The following DMD variants were observed in gnomAD, a reference collection of about 807,000 sequenced individuals.
DMD encodes the protein mutant dystrophin.
Under a neutral mutation model 330.1 loss-of-function variants are expected in DMD, and 63 were observed. The observed-to-expected ratio is 0.19, with a 90% CI of 0.16 to 0.24. The LOEUF is 0.24. DMD is among the 10% of genes least tolerant of loss of function. DMD has a pLI of 1.00. For missense variants in DMD, 3,344 were observed against 2,684.1 expected (o/e 1.25, Z -5.43); for synonymous variants, 1,223 against 959.8 (o/e 1.27, Z -5.07).
chrX:31,362,216 A>AC (rs763037829), intron 60 of DMD, among the ~76,000 whole-genome samples: 1 of 112,144 alleles, frequency 8.9e-6, no homozygotes, highest in Admixed American at 9.4e-5. Context: ...TATTGTTCCT[A>AC]CTTGAAAATG....
chrX:32,874,285 C>A (rs188830883), intron 2 of DMD, among the ~76,000 whole-genome samples: 139 of 112,034 alleles, frequency 1.2e-3, no homozygotes, highest in African/African-American at 4.1e-3. Flanking sequence ...AAGTAAGATT[C>A]CCCAAGGAAG....
intron 73 of DMD, among the ~76,000 whole-genome samples, chrX:31,170,439 C>T (rs1018304293): frequency 2.7e-5 from 3 of 110,779 alleles, no homozygotes; most frequent in Non-Finnish European, 3.8e-5. Context: ...GAATGCATTG[C>T]TCCAAGCTCC....
At chrX:31,759,538 C>T (rs758561890) in intron 51 of DMD, among the ~76,000 whole-genome samples, 1 of 111,399 alleles carries the variant, frequency 9.0e-6, no homozygotes, top group Admixed American at 9.6e-5. Context: ...ACACTATCAA[C>T]GAATAGGACA....
At chrX:31,230,576 G>T (rs2047095783) in intron 63 of DMD, among the ~76,000 whole-genome samples, 1 of 110,058 alleles carries the variant, frequency 9.1e-6, no homozygotes, top group Admixed American at 9.7e-5. Context: ...TTGAACCCAG[G>T]AGGTGGAGGT....
At chrX:31,577,963 GA>G (rs1378416680) in intron 55 of DMD, among the ~76,000 whole-genome samples, 4 of 110,236 alleles carry the variant, frequency 3.6e-5, no homozygotes, top group Admixed American at 2.9e-4. Context: ...CCTTTATATT[GA>G]AAAAAATCAC....
At chrX:33,293,357 G>A (rs1389789961) in intron 1 of DMD, among the ~76,000 whole-genome samples, 2 of 111,353 alleles carry the variant, frequency 1.8e-5, no homozygotes. Flanking sequence ...CAGTTGAGAG[G>A]CAGTACAGTG....
At chrX:32,782,786 C>G (rs1407255076) in intron 7 of DMD, among the ~76,000 whole-genome samples, 1 of 109,353 alleles carries the variant, frequency 9.1e-6, no homozygotes, top group Admixed American at 9.9e-5. Flanking sequence ...AGGATAAATG[C>G]TTGAGGTGAC....
intron 76 of DMD, among the ~76,000 whole-genome samples, chrX:31,135,832 T>G (rs977432523): frequency 1.8e-5 from 2 of 112,512 alleles, no homozygotes; most frequent in African/African-American, 6.5e-5. Context: ...AAGACCTTGC[T>G]TTAGCAAGTC....
intron 1 of DMD, among the ~76,000 whole-genome samples, chrX:33,314,565 TTTTTG>T (rs1165701041): frequency 4.6e-5 from 3 of 65,088 alleles, no homozygotes; most frequent in Non-Finnish European, 1.0e-4. Flanking sequence ...GCCTGTTTTT[TTTTTG>T]TTTTTTTTTT....
Position 32,189,544 on chromosome X carries a change from A to G in DMD, c.6438+27372T>C, listed in dbSNP as rs182523102. ...GGCCACAAAACTTAAAATATTTACT[A>G]TCTGCCCCATTACAGAAGAAAAAAT... On this transcript the variant is annotated intron_variant, in intron 44 of 78. Transcript: ENST00000357033. 3.4e-4 allele frequency among the ~76,000 whole-genome samples: 38 copies of G among 111,248 alleles called. No individual in the cohort carries two copies. The East Asian group carries it at 9.3e-3, about 27-fold the overall frequency.
chrX:31,960,781 C>T (rs1201766695), intron 45 of DMD, among the ~76,000 whole-genome samples: 2 of 112,258 alleles, frequency 1.8e-5, no homozygotes, highest in Non-Finnish European at 3.8e-5. Context: ...AAACAATTAA[C>T]TATGAAGCTG....
At chrX:32,065,093 C>G (rs965325043) in intron 44 of DMD, among the ~76,000 whole-genome samples, 3 of 111,117 alleles carry the variant, frequency 2.7e-5, no homozygotes, top group African/African-American at 9.8e-5. Flanking sequence ...TTCTCAAAAG[C>G]AATTAGAATC....
intron 48 of DMD, among the ~76,000 whole-genome samples, chrX:31,862,199 T>C (rs746827517): frequency 7.6e-4 from 84 of 111,174 alleles, no homozygotes; most frequent in African/African-American, 2.8e-3. Context: ...AGTGGTGCAA[T>C]CTCGGCTCAC....
intron 4 of DMD, among the ~76,000 whole-genome samples, chrX:32,842,235 T>C (rs2080224734): frequency 8.9e-6 from 1 of 112,147 alleles, no homozygotes. Context: ...ACACACACTG[T>C]CCACACTGAT....
intron 1 of DMD, among the ~76,000 whole-genome samples, chrX:33,246,617 T>C (rs2052666654): frequency 8.9e-6 from 1 of 111,932 alleles, no homozygotes; most frequent in African/African-American, 3.2e-5. Flanking sequence ...TACATAAGAA[T>C]CATTCTCTCA....
intron 18 of DMD, among the ~76,000 whole-genome samples, chrX:32,514,695 C>A (rs1397391226): frequency 8.9e-6 from 1 of 112,416 alleles, no homozygotes; most frequent in Non-Finnish European, 1.9e-5. Flanking sequence ...GAGCCGAGAT[C>A]GCGCCACTGC....
intron 44 of DMD, among the ~76,000 whole-genome samples, chrX:32,036,491 A>G (rs1267253289): frequency 8.9e-6 from 1 of 111,824 alleles, no homozygotes; most frequent in Non-Finnish European, 1.9e-5. Context: ...TGCTTTATTC[A>G]ACTAAGTGGA....
In DMD at chrX:31,178,918, G is replaced by A. The variant is rs1011315194; in HGVS notation, c.10087-113C>T. 4.2e-6 allele frequency: 4 copies of A among 954,092 alleles called. No homozygotes were observed. In the African/African-American group the frequency reaches 7.7e-5, roughly 18 times the overall value. 78.6% of individuals were successfully genotyped at this position (954,092 alleles called of 1,213,427 possible). On this transcript the variant is annotated intron_variant, in intron 69 of 78. Transcript: ENST00000357033. Reference sequence around the variant, plus strand: ...GTTTTGTAATTAAGGAGAGTGTTGTGGTTGTGAGCAAAGGCTTTGGAATCA... The same window carrying A: ...GTTTTGTAATTAAGGAGAGTGTTGTAGTTGTGAGCAAAGGCTTTGGAATCA...
At position 32,648,872 on chromosome X, in the gene DMD, A is replaced by G. The variant is rs939850348; in HGVS notation, c.961-3720T>C. Among the ~76,000 whole-genome samples the G allele has an allele frequency of 8.3e-4, 93 of 111,925 alleles. 1 individual carries two copies. Among genetic ancestry groups the G allele is most frequent in the African/African-American group, 2.9e-3 (89 of 30,842 alleles). Reference sequence around the variant, plus strand: ...GAGATCACTTCATACATGTCATGGCATCAAATGAAGAGATTTTCTAGGAAA... The same window carrying G: ...GAGATCACTTCATACATGTCATGGCGTCAAATGAAGAGATTTTCTAGGAAA... On this transcript the variant is annotated intron_variant, in intron 9 of 78. Coordinates refer to ENST00000357033, the MANE Select transcript of DMD (RefSeq NM_004006.3).
Sources: allele counts gnomAD v4.1 joint callset (sites outside exome capture counted in the v4.1 genomes callset), GRCh38; gene constraint gnomAD v4.1.1; transcripts MANE v1.5; gene names NCBI Gene and HGNC (gene_info 2026-07-23, HGNC 2026-07-21).